The following FUT8 variants were observed in gnomAD, a reference collection of about 807,000 sequenced individuals.
The protein encoded by FUT8 is alpha-(1,6)-fucosyltransferase.
A neutral mutation model predicts 71.3 loss-of-function variants in FUT8; 29 were observed. That is an observed-to-expected ratio of 0.41 (90% confidence interval 0.30 to 0.55). The LOEUF is 0.55. Among genes scored for constraint, FUT8 ranks in the 20% least tolerant of loss-of-function variants. The pLI, the probability that FUT8 is intolerant of heterozygous loss-of-function variation, is 0.34. For synonymous variants in FUT8, 254 were observed against 239.3 expected (o/e 1.06, Z -0.57); for missense variants, 544 against 702.1 (o/e 0.77, Z 2.55).
chr14:65,390,309 G>A, the FUT8 span, among the ~76,000 whole-genome samples: 1 of 142,004 alleles, frequency 7.0e-6, no homozygotes, highest in African/African-American at 2.6e-5. Context: ...GCGACAAAGC[G>A]AGACTTCGTC....
rs201067769 is a variant in FUT8, at chr14:65,689,526, T to TTTTG, written c.835+20062_835+20065dup. 8.0e-3 allele frequency among the ~76,000 whole-genome samples: 1,224 copies of TTTTG among 152,244 alleles called. 19 individuals are homozygous for TTTTG. The highest frequency in any genetic ancestry group is 0.028 in the African/African-American group (1,171 of 41,556). ...AACTATGTCTCATAGAGCAGAGGTTTTTTGTTTGTTTGTTTGTTTTTTTGT... is the reference window on the plus strand; with the variant it reads ...AACTATGTCTCATAGAGCAGAGGTTTTTTGTTTGTTTGTTTGTTTGTTTTTTTGT... On this transcript the variant is annotated intron_variant, in intron 7 of 10. Transcript: ENST00000673929.
intron 7 of FUT8, among the ~76,000 whole-genome samples, chr14:65,692,357 G>C (rs1245368745): frequency 1.3e-5 from 2 of 149,934 alleles, no homozygotes; most frequent in African/African-American, 4.9e-5. Flanking sequence ...CGGGCGGGGG[G>C]CTGACCCCCC....
At chr14:65,539,607 A>C (rs1486929214) in intron 2 of FUT8, among the ~76,000 whole-genome samples, 1 of 152,178 alleles carries the variant, frequency 6.6e-6, no homozygotes, top group Admixed American at 6.5e-5. Flanking sequence ...ATGGGTACTT[A>C]TTTATGTACT....
At chr14:65,431,299 C>CTTT (rs138985726) in intron 1 of FUT8, among the ~76,000 whole-genome samples, 2 of 98,818 alleles carry the variant, frequency 2.0e-5, no homozygotes, top group Admixed American at 2.3e-4. Flanking sequence ...CTGCGCCGGC[C>CTTT]TTTTTTTTTT....
At chr14:65,366,141 G>T in the FUT8 span, among the ~76,000 whole-genome samples, 1 of 152,182 alleles carries the variant, frequency 6.6e-6, no homozygotes, top group African/African-American at 2.4e-5. Context: ...TCTAGCACTG[G>T]AGAGACAGCA....
intron 8 of FUT8, among the ~76,000 whole-genome samples, chr14:65,722,499 C>T (rs1895468454): frequency 6.6e-6 from 1 of 152,126 alleles, no homozygotes; most frequent in South Asian, 2.1e-4. Flanking sequence ...CACATCTTTC[C>T]TTGTGTCTTA....
At chr14:65,595,920 C>A (rs1887956203) in intron 3 of FUT8, among the ~76,000 whole-genome samples, 1 of 152,086 alleles carries the variant, frequency 6.6e-6, no homozygotes, top group Admixed American at 6.5e-5. Context: ...ACACCATCCT[C>A]TTATATTATT....
chr14:65,581,929 C>T (rs1325299620), intron 3 of FUT8, among the ~76,000 whole-genome samples: 2 of 152,144 alleles, frequency 1.3e-5, no homozygotes, highest in African/African-American at 2.4e-5. Context: ...TACACATTGA[C>T]ATTTTGACAG....
At chr14:65,504,781 T>G (rs2066700471) in intron 2 of FUT8, among the ~76,000 whole-genome samples, 1 of 152,122 alleles carries the variant, frequency 6.6e-6, no homozygotes, top group African/African-American at 2.4e-5. Context: ...CTCAAACTCC[T>G]GACATCAGGT....
At chr14:65,484,318 C>G (rs1173641195) in intron 2 of FUT8, among the ~76,000 whole-genome samples, 3 of 152,118 alleles carry the variant, frequency 2.0e-5, no homozygotes, top group African/African-American at 7.2e-5. Flanking sequence ...AGTCTTGTTT[C>G]TAATCTTAGG....
intron 7 of FUT8, among the ~76,000 whole-genome samples, chr14:65,692,653 G>A (rs980246276): frequency 1.3e-5 from 2 of 150,736 alleles, no homozygotes; most frequent in Admixed American, 6.6e-5. Context: ...GGGCGGAGAC[G>A]CTCCTCACTT....
chr14:65,520,438 A>G (rs537794906), intron 2 of FUT8, among the ~76,000 whole-genome samples: 5 of 152,228 alleles, frequency 3.3e-5, no homozygotes, highest in East Asian at 3.9e-4. Context: ...TGTCTAGTCA[A>G]TAGTCTTAGT....
intron 7 of FUT8, among the ~76,000 whole-genome samples, chr14:65,704,173 T>TA (rs1389070389): frequency 1.3e-5 from 2 of 152,110 alleles, no homozygotes; most frequent in Non-Finnish European, 2.9e-5. Flanking sequence ...GTATGCTAAT[T>TA]ACAGAGGCAG....
At chr14:65,678,178 C>G (rs912207128) in intron 7 of FUT8, among the ~76,000 whole-genome samples, 4 of 152,178 alleles carry the variant, frequency 2.6e-5, no homozygotes, top group Admixed American at 1.3e-4. Context: ...ACAATAATAG[C>G]ATGATTGGGT....
intron 1 of FUT8, among the ~76,000 whole-genome samples, chr14:65,442,911 A>G (rs1220454367): frequency 6.6e-6 from 1 of 152,090 alleles, no homozygotes; most frequent in African/African-American, 2.4e-5. Flanking sequence ...GTCATCAGAA[A>G]CAGGGAAATC....
At chr14:65,460,283 C>T (rs2065951959) in intron 2 of FUT8, among the ~76,000 whole-genome samples, 1 of 152,164 alleles carries the variant, frequency 6.6e-6, no homozygotes, top group African/African-American at 2.4e-5. Context: ...ATCTGTTTAG[C>T]AAACAGCCTA....
chr14:65,737,303 G>C (rs1258691501), intron 10 of FUT8, among the ~76,000 whole-genome samples: 1 of 152,036 alleles, frequency 6.6e-6, no homozygotes, highest in Non-Finnish European at 1.5e-5. Flanking sequence ...TGTCCTAAAA[G>C]CCTCATAAAT....
chr14:65,659,657 C>T (rs1405687515), intron 6 of FUT8, among the ~76,000 whole-genome samples: 1 of 151,990 alleles, frequency 6.6e-6, no homozygotes, highest in Non-Finnish European at 1.5e-5. Flanking sequence ...ATGCTTTTTA[C>T]TCCTTTTCCC....
At chr14:65,511,257 T>C (rs1882320363) in intron 2 of FUT8, among the ~76,000 whole-genome samples, 1 of 152,170 alleles carries the variant, frequency 6.6e-6, no homozygotes, top group East Asian at 1.9e-4. Flanking sequence ...TATTTTATTG[T>C]GGTCGGAGAA....
Sources: gnomAD v4.1 joint callset for allele counts (sites outside exome capture counted in the v4.1 genomes callset) on GRCh38, gnomAD v4.1.1 for gene constraint, MANE v1.5 for transcripts, NCBI Gene and HGNC (gene_info 2026-07-23, HGNC 2026-07-21) for gene names.